VAC14: variants seen among roughly 807,000 people sequenced by gnomAD.
VAC14 encodes VAC14 component of PIKFYVE complex, also known as protein VAC14 homolog.
A neutral mutation model predicts 85.3 loss-of-function variants in VAC14; 47 were observed. The ratio of observed to expected loss-of-function variants is 0.55; its 90% CI spans 0.44 to 0.70. VAC14 has a LOEUF of 0.70. Ranked by LOEUF, VAC14 falls within the 30% of genes least tolerant of loss-of-function variation. The pLI, the probability that VAC14 is intolerant of heterozygous loss-of-function variation, is 0.00. For synonymous variants in VAC14, 447 were observed against 430.5 expected, an observed-to-expected ratio of 1.04 and a Z score of -0.47; for missense variants, 861 against 1,004.3, an observed-to-expected ratio of 0.86 and a Z score of 1.93.
chr16:70,692,863 TG>T lies in VAC14; in HGVS notation c.2143del (p.His715ThrfsTer18). 3 of 1,604,960 alleles carry T rather than the reference TG, an allele frequency of 1.9e-6. No individual in the cohort carries two copies. The highest frequency in any genetic ancestry group is 2.5e-6 in the Non-Finnish European group (3 of 1,177,396). On this transcript the variant is annotated frameshift_variant, in exon 18 of 19. Transcript: ENST00000261776. LOFTEE classifies it high-confidence loss of function. Reference sequence around the variant, plus strand: ...AGGGTTGGGCACGCACTGGAGCCGGTGCGAGAGCAGCTGGAAGGCGCTGCTC... The same window carrying T: ...AGGGTTGGGCACGCACTGGAGCCGGTCGAGAGCAGCTGGAAGGCGCTGCTC... ...PQSSAFQLLS[H>X]RLQCVPNPEL...
At chr16:70,690,850 A>AG in intron 18 of VAC14, 1 of 985,406 alleles carries the variant, frequency 1.0e-6, no homozygotes, top group Non-Finnish European at 1.2e-6. Context: ...ATCTCTTCCT[A>AG]GGTCGTTGCA....
At chr16:70,718,596 CAAAG>C (rs1256926106) in intron 14 of VAC14, among the ~76,000 whole-genome samples, 14 of 148,454 alleles carry the variant, frequency 9.4e-5, no homozygotes, top group Non-Finnish European at 2.1e-4. Flanking sequence ...AACAAAAAAA[CAAAG>C]AAAACTGTGC....
chr16:70,763,789 C>T (rs1360774114), intron 10 of VAC14, among the ~76,000 whole-genome samples: 2 of 152,160 alleles, frequency 1.3e-5, no homozygotes, highest in African/African-American at 2.4e-5. Context: ...CCTGCGGGTC[C>T]CCAAAGTTCT....
At chr16:70,757,961 C>T (rs192318651) in intron 12 of VAC14, among the ~76,000 whole-genome samples, 45 of 152,332 alleles carry the variant, frequency 3.0e-4, no homozygotes, top group Middle Eastern at 3.4e-3. Context: ...CCTAGACTTC[C>T]TGAACCCAAA....
chr16:70,700,676 C>A (rs1256177517), intron 14 of VAC14, among the ~76,000 whole-genome samples: 1 of 152,228 alleles, frequency 6.6e-6, no homozygotes, highest in Admixed American at 6.5e-5. Flanking sequence ...GGTGGCCCTG[C>A]TGCAGAGCCC....
intron 9 of VAC14, among the ~76,000 whole-genome samples, chr16:70,780,443 CA>C (rs2033754167): frequency 6.6e-6 from 1 of 152,090 alleles, no homozygotes; most frequent in African/African-American, 2.4e-5. Context: ...GCCCTGAAAA[CA>C]ACTCTTTCCC....
chr16:70,789,591 A>C (rs935138077), intron 1 of VAC14, among the ~76,000 whole-genome samples: 1 of 152,240 alleles, frequency 6.6e-6, no homozygotes, highest in African/African-American at 2.4e-5. Context: ...GCAGACCTTT[A>C]GTTTAATCGT....
chr16:70,741,442 T>C (rs913065841), intron 13 of VAC14, among the ~76,000 whole-genome samples: 1 of 152,244 alleles, frequency 6.6e-6, no homozygotes, highest in Admixed American at 6.5e-5. Flanking sequence ...GTTCTCTTAC[T>C]GGTTTAAGCT....
intron 14 of VAC14, among the ~76,000 whole-genome samples, chr16:70,730,691 G>A (rs1195687348): frequency 2.8e-5 from 4 of 145,342 alleles, no homozygotes; most frequent in African/African-American, 5.3e-5. Flanking sequence ...TCCACCTCCC[G>A]GGTTCAGGCG....
chr16:70,746,191 G>T (rs2030874627), intron 12 of VAC14, among the ~76,000 whole-genome samples: 1 of 152,176 alleles, frequency 6.6e-6, no homozygotes, highest in Non-Finnish European at 1.5e-5. Context: ...GCCCTGGCCG[G>T]GAACCCCTTT....
At chr16:70,701,387 T>G (rs1330614785) in intron 14 of VAC14, among the ~76,000 whole-genome samples, 1 of 152,032 alleles carries the variant, frequency 6.6e-6, no homozygotes, top group Non-Finnish European at 1.5e-5. Flanking sequence ...AACCCCCTCC[T>G]CATCTCAGTA....
At chr16:70,710,675 C>G (rs75234022) in intron 14 of VAC14, among the ~76,000 whole-genome samples, 76 of 152,358 alleles carry the variant, frequency 5.0e-4, no homozygotes, top group African/African-American at 1.7e-3. Context: ...TGAGCCTCCC[C>G]TTCTGCCTCG....
intron 13 of VAC14, 114 bp downstream of exon 13, chr16:70,744,309 C>G (rs975630578): frequency 2.1e-6 from 3 of 1,440,566 alleles, no homozygotes; most frequent in African/African-American, 2.9e-5. Context: ...CCCTCACACC[C>G]TGGCAGAGCT....
At chr16:70,691,470 CGGA>C in intron 18 of VAC14, 1 of 985,092 alleles carries the variant, frequency 1.0e-6, no homozygotes, top group African/African-American at 1.7e-5. Flanking sequence ...AGGCCTCTCT[CGGA>C]GTCTCTCGGG....
chr16:70,762,843 C>G lies in VAC14; in HGVS notation c.1305+38G>C. On this transcript the variant is annotated intron_variant, in intron 11 of 18. Transcript: ENST00000261776. This position sits in a 1 kb window ranked among gnomAD's most constrained non-coding sequence, Gnocchi z 4.1. Reference sequence around the variant, plus strand: ...AGGCCCTGGAAAACCAAGGCGGACCCAGAAGAGGCCCCTGGCTTGGAGGGG... The same window carrying G: ...AGGCCCTGGAAAACCAAGGCGGACCGAGAAGAGGCCCCTGGCTTGGAGGGG... 6.2e-7 allele frequency: 1 copy of G among 1,613,518 alleles called. No individual in the cohort carries two copies. Among genetic ancestry groups the G allele is most frequent in the Non-Finnish European group, 8.5e-7 (1 of 1,179,640 alleles).
intron 1 of VAC14, among the ~76,000 whole-genome samples, chr16:70,795,227 G>A (rs750470772): frequency 9.9e-5 from 15 of 152,180 alleles, no homozygotes; most frequent in Non-Finnish European, 1.9e-4. Flanking sequence ...AGCACTTTGG[G>A]AGGCTGAGGC....
intron 12 of VAC14, among the ~76,000 whole-genome samples, chr16:70,748,547 AG>A (rs1437438394): frequency 1.3e-5 from 2 of 152,224 alleles, no homozygotes; most frequent in African/African-American, 4.8e-5. Context: ...GGCACATTCC[AG>A]GAAACTAGGC....
chr16:70,693,945 C>T (rs114334253), intron 17 of VAC14, among the ~76,000 whole-genome samples: 47 of 152,326 alleles, frequency 3.1e-4, no homozygotes, highest in African/African-American at 1.1e-3. Flanking sequence ...GAATGGAGGC[C>T]TGCTGGCGCC....
chr16:70,794,436 C>T (rs939289125), intron 1 of VAC14, among the ~76,000 whole-genome samples: 2 of 151,680 alleles, frequency 1.3e-5, no homozygotes, highest in Admixed American at 6.6e-5. Context: ...TTTCAAGGGG[C>T]TTTTTTTTAA....
Sources: allele counts gnomAD v4.1 joint callset (sites outside exome capture counted in the v4.1 genomes callset), GRCh38; gene constraint gnomAD v4.1.1; non-coding constraint Gnocchi (gnomAD v3.1); transcripts MANE v1.5; gene names NCBI Gene and HGNC (gene_info 2026-07-23, HGNC 2026-07-21).